The following TANC2 variants were observed in gnomAD, a reference collection of about 807,000 sequenced individuals.
TANC2 encodes the protein tetratricopeptide repeat, ankyrin repeat and coiled-coil containing 2.
In TANC2, 26 loss-of-function variants were observed where a neutral mutation model predicts 210.5. The ratio of observed to expected loss-of-function variants is 0.12; its 90% CI spans 0.09 to 0.17. The LOEUF (loss-of-function observed/expected upper bound fraction) is 0.17, where lower values mean the gene tolerates loss of function less well. Ranked by LOEUF, TANC2 falls within the 10% of genes least tolerant of loss-of-function variation. The pLI, the probability that TANC2 is intolerant of heterozygous loss-of-function variation, is 1.00. For missense variants in TANC2, 2,129 were observed against 2,608.9 expected (o/e 0.82, Z 4.01); for synonymous variants, 931 against 967.1 (o/e 0.96, Z 0.69).
At chr17:63,278,227 A>G (rs909542947) in intron 9 of TANC2, among the ~76,000 whole-genome samples, 4 of 152,138 alleles carry the variant, frequency 2.6e-5, no homozygotes, top group Non-Finnish European at 5.9e-5. Flanking sequence ...TTTTCAAACC[A>G]TGTATCTGAT....
chr17:63,381,651 C>T (rs563228628), intron 15 of TANC2, among the ~76,000 whole-genome samples: 1 of 152,102 alleles, frequency 6.6e-6, no homozygotes. Flanking sequence ...GTAAATAACC[C>T]GCTTTAAAGA....
At chr17:63,379,800 C>T (rs755359691) in exon 15 of TANC2, 1 of 1,611,756 alleles carries the variant, frequency 6.2e-7, no homozygotes, top group Non-Finnish European at 8.5e-7. Context: ...ACTGGGACAT[C>T]ACATCCTCAA....
chr17:63,214,298 G>A (rs1024607955), intron 7 of TANC2, among the ~76,000 whole-genome samples: 4 of 152,172 alleles, frequency 2.6e-5, no homozygotes, highest in African/African-American at 7.2e-5. Flanking sequence ...CAACACAAAT[G>A]ACTCGGAGCA....
At chr17:63,332,448 A>T (rs1167236571) in intron 11 of TANC2, 2 of 387,934 alleles carry the variant, frequency 5.2e-6, no homozygotes, top group Non-Finnish European at 1.0e-5. Context: ...GCAATAAAGG[A>T]CTCAAAGTGA....
intron 9 of TANC2, among the ~76,000 whole-genome samples, chr17:63,270,288 A>G (rs2043659575): frequency 6.6e-6 from 1 of 152,190 alleles, no homozygotes; most frequent in African/African-American, 2.4e-5. Context: ...CACATTATCA[A>G]GAAAGGAAAG....
intron 4 of TANC2, among the ~76,000 whole-genome samples, chr17:63,140,506 G>A (rs2145305254): frequency 6.6e-6 from 1 of 152,280 alleles, no homozygotes; most frequent in African/African-American, 2.4e-5. Context: ...ATACACTGTA[G>A]AATCATGCAG....
intron 2 of TANC2, among the ~76,000 whole-genome samples, chr17:63,021,554 TC>T (rs1172181308): frequency 6.6e-6 from 1 of 152,200 alleles, no homozygotes; most frequent in Non-Finnish European, 1.5e-5. Flanking sequence ...ATCTTGGACT[TC>T]CCAGCCTTCA....
intron 8 of TANC2, among the ~76,000 whole-genome samples, chr17:63,263,925 A>G (rs2043445159): frequency 6.6e-6 from 1 of 152,224 alleles, no homozygotes; most frequent in Non-Finnish European, 1.5e-5. Flanking sequence ...TGCTATTGGT[A>G]CAATAATGCT....
intron 9 of TANC2, among the ~76,000 whole-genome samples, chr17:63,292,350 G>A (rs999473415): frequency 1.3e-5 from 2 of 152,210 alleles, no homozygotes; most frequent in Non-Finnish European, 1.5e-5. Flanking sequence ...GTGTCGTCAC[G>A]TTAAGCCCAA....
At chr17:63,254,583 C>T (rs1255685576) in intron 8 of TANC2, among the ~76,000 whole-genome samples, 1 of 152,004 alleles carries the variant, frequency 6.6e-6, no homozygotes, top group African/African-American at 2.4e-5. Context: ...TTAGTTTTTC[C>T]CCATTCAGTA....
chr17:63,220,697 C>A (rs2042148280), intron 7 of TANC2, among the ~76,000 whole-genome samples: 1 of 89,436 alleles, frequency 1.1e-5, no homozygotes, highest in Non-Finnish European at 2.1e-5. Flanking sequence ...GAGCAAGAAT[C>A]AGTCTCAAAA....
At chr17:63,033,418 C>G (rs1039820454) in intron 2 of TANC2, among the ~76,000 whole-genome samples, 14 of 152,092 alleles carry the variant, frequency 9.2e-5, no homozygotes. Context: ...TCTTATCTCT[C>G]CTGGTAGTAA....
At chr17:63,345,116 A>G (rs1203316790) in intron 12 of TANC2, among the ~76,000 whole-genome samples, 1 of 152,240 alleles carries the variant, frequency 6.6e-6, no homozygotes. Context: ...GCTATTCAAT[A>G]TAGCAACAAA....
At chr17:63,348,962 T>C (rs1040438353) in intron 12 of TANC2, among the ~76,000 whole-genome samples, 1 of 152,158 alleles carries the variant, frequency 6.6e-6, no homozygotes, top group Non-Finnish European at 1.5e-5. Flanking sequence ...ACAGCATTAG[T>C]AGCATTAGGA....
chr17:63,187,662 C>A (rs1350911710), intron 5 of TANC2, among the ~76,000 whole-genome samples: 3 of 151,820 alleles, frequency 2.0e-5, no homozygotes, highest in East Asian at 3.9e-4. Flanking sequence ...CCCACAGATA[C>A]AAGAAGTTCA....
intron 8 of TANC2, among the ~76,000 whole-genome samples, chr17:63,262,311 C>T (rs1170374731): frequency 2.0e-5 from 3 of 152,172 alleles, no homozygotes; most frequent in Non-Finnish European, 1.5e-5. Flanking sequence ...TCCCAAGTAG[C>T]TAGCACTACG....
At chr17:63,047,306 G>A (rs1300295136) in intron 2 of TANC2, among the ~76,000 whole-genome samples, 1 of 152,142 alleles carries the variant, frequency 6.6e-6, no homozygotes, top group African/African-American at 2.4e-5. Context: ...TCTTCTGACG[G>A]GAGAACATTT....
intron 7 of TANC2, among the ~76,000 whole-genome samples, chr17:63,202,735 C>G (rs1418987663): frequency 6.6e-6 from 1 of 152,136 alleles, no homozygotes; most frequent in Non-Finnish European, 1.5e-5. Context: ...ACAGATTGGT[C>G]TGTACAAAGC....
rs554944442 is a variant in TANC2 at position 63,371,431 on chromosome 17, A to G, written c.2583-8287A>G. 2.0e-4 allele frequency among the ~76,000 whole-genome samples: 30 copies of G among 150,784 alleles called. No individual in the cohort carries two copies. The East Asian group carries it at 5.9e-3, about 29-fold the overall frequency. On this transcript the variant is annotated intron_variant, in intron 14 of 27. Transcript: ENST00000689528. ...CAGTGAGCTGAGATCACACCATTGCACTCCAGCTTGGGCAACAAGAGCAAA... is the reference window on the plus strand; with the variant it reads ...CAGTGAGCTGAGATCACACCATTGCGCTCCAGCTTGGGCAACAAGAGCAAA...
Sources: gnomAD v4.1 joint callset for allele counts (sites outside exome capture counted in the v4.1 genomes callset) on GRCh38, gnomAD v4.1.1 for gene constraint, MANE v1.5 for transcripts, NCBI Gene and HGNC (gene_info 2026-07-23, HGNC 2026-07-21) for gene names.